PRKCQ: variants seen among roughly 807,000 people sequenced by gnomAD.
PRKCQ encodes protein kinase C theta type.
Under a neutral mutation model 91.2 loss-of-function variants are expected in PRKCQ, and 41 were observed. The observed-to-expected ratio is 0.45, with a 90% CI of 0.35 to 0.58. The LOEUF (loss-of-function observed/expected upper bound fraction) is 0.58. Among genes scored for constraint, PRKCQ ranks in the 20% least tolerant of loss-of-function variants. The probability of loss-of-function intolerance (pLI) is 0.00; values close to 1 mark genes in which losing one functional copy is unlikely to be tolerated. For missense variants in PRKCQ, 673 were observed against 896.5 expected (o/e 0.75, Z 3.18); for synonymous variants, 307 against 316.9 (o/e 0.97, Z 0.33).
At chr10:6,520,870 G>T (rs763276006) in intron 1 of PRKCQ, among the ~76,000 whole-genome samples, 2 of 152,114 alleles carry the variant, frequency 1.3e-5, no homozygotes, top group Non-Finnish European at 2.9e-5. Context: ...CTTGATTCTT[G>T]AGATGCTACA....
intron 16 of PRKCQ, among the ~76,000 whole-genome samples, chr10:6,440,399 G>A (rs1427261551): frequency 1.3e-5 from 2 of 152,226 alleles, no homozygotes; most frequent in Non-Finnish European, 2.9e-5. Context: ...GCAAGGATAA[G>A]TATTTCTGCA....
chr10:6,402,371 C>CA, the PRKCQ span, among the ~76,000 whole-genome samples: 16,506 of 66,428 alleles, frequency 0.25, 2,205 homozygotes, highest in African/African-American at 0.4. Context: ...ATTTCAATGC[C>CA]AAAAAAAAAA....
intron 15 of PRKCQ, among the ~76,000 whole-genome samples, chr10:6,454,869 G>A (rs987766444): frequency 4.6e-5 from 7 of 152,266 alleles, no homozygotes; most frequent in Middle Eastern, 3.4e-3. Context: ...ACAAGCACAC[G>A]TAAAAGAAAA....
At chr10:6,532,097 C>T (rs551131669) in intron 1 of PRKCQ, among the ~76,000 whole-genome samples, 2 of 152,042 alleles carry the variant, frequency 1.3e-5, no homozygotes, top group African/African-American at 2.4e-5. Flanking sequence ...TTACATATGC[C>T]GAAGGATTGT....
intron 1 of PRKCQ, among the ~76,000 whole-genome samples, chr10:6,517,588 CTTTTTTTTTTTTTTTTTT>C (rs56306878): frequency 2.8e-4 from 14 of 49,492 alleles, no homozygotes; most frequent in African/African-American, 5.5e-4. Flanking sequence ...AAGATAGCAT[CTTTTTTTTTTTTTTTTTT>C]TTTTTTTTTT....
At chr10:6,484,117 G>C (rs551526610) in intron 10 of PRKCQ, among the ~76,000 whole-genome samples, 1 of 152,330 alleles carries the variant, frequency 6.6e-6, no homozygotes, top group African/African-American at 2.4e-5. Context: ...TTCAAGTCAA[G>C]ATGCTGCCTA....
At chr10:6,528,521 T>A (rs1034612568) in intron 1 of PRKCQ, among the ~76,000 whole-genome samples, 4 of 152,160 alleles carry the variant, frequency 2.6e-5, no homozygotes, top group African/African-American at 9.7e-5. Flanking sequence ...GCCATCTCCA[T>A]CGATCTGGCC....
chr10:6,433,269 T>A (rs1006634351), intron 16 of PRKCQ, among the ~76,000 whole-genome samples: 1 of 152,234 alleles, frequency 6.6e-6, no homozygotes, highest in Non-Finnish European at 1.5e-5. Context: ...TCCTGATGGA[T>A]AATCTCTCAT....
At chr10:6,398,313 G>GTGTAA in the PRKCQ span, among the ~76,000 whole-genome samples, 1 of 152,174 alleles carries the variant, frequency 6.6e-6, no homozygotes, top group African/African-American at 2.4e-5. Context: ...AAATTAAGAA[G>GTGTAA]TGTAAGTCTT....
intron 1 of PRKCQ, among the ~76,000 whole-genome samples, chr10:6,562,769 T>C (rs1442702219): frequency 6.6e-6 from 1 of 152,194 alleles, no homozygotes; most frequent in African/African-American, 2.4e-5. Flanking sequence ...TCTGTGGCTT[T>C]AAACAAGCTA....
At chr10:6,448,217 C>G (rs138421176) in intron 15 of PRKCQ, among the ~76,000 whole-genome samples, 39 of 152,190 alleles carry the variant, frequency 2.6e-4, no homozygotes, top group African/African-American at 8.4e-4. Flanking sequence ...AGCCATGGTC[C>G]CTGATGGGGA....
At chr10:6,449,718 G>C (rs967500465) in intron 15 of PRKCQ, among the ~76,000 whole-genome samples, 3 of 152,184 alleles carry the variant, frequency 2.0e-5, no homozygotes, top group African/African-American at 7.2e-5. Flanking sequence ...AAGCCCGTCA[G>C]ACTAACAGCT....
intron 1 of PRKCQ, among the ~76,000 whole-genome samples, chr10:6,547,324 T>A (rs1369306622): frequency 1.3e-5 from 2 of 151,728 alleles, no homozygotes; most frequent in Admixed American, 6.6e-5. Context: ...AATTTATAGA[T>A]TCAATGCCAT....
rs1833222107 is a variant in PRKCQ, at chr10:6,428,238, A to C, written c.2090T>G (p.Met697Arg). The C allele has an allele frequency of 6.8e-6, 11 of 1,614,184 alleles. No individual in the cohort carries two copies. The highest frequency in any genetic ancestry group is 9.3e-6 in the Non-Finnish European group (11 of 1,180,028). The change falls in exon 18 of 18, where the codon ATG (methionine) becomes AGG (arginine). Residue 697 changes from methionine (M) to arginine (R), a missense_variant. Transcript: ENST00000263125. The stretch of plus-strand genomic sequence containing the variant: ...TATCAGCCGCTCCATCCCGGGGTTC[A>C]TGAAGGAAAAGTTCCTGAACATATT... The part of the protein sequence containing the change: ...DQNMFRNFSF[M>R]NPGMERLIS
the PRKCQ span, among the ~76,000 whole-genome samples, chr10:6,404,955 T>TTTCCTTCCTTCC: frequency 2.3e-4 from 4 of 17,308 alleles, no homozygotes; most frequent in Admixed American, 5.1e-4. Flanking sequence ...TCCTTCCTTC[T>TTTCCTTCCTTCC]ATCCTTCCTT....
intron 7 of PRKCQ, 90 bp downstream of exon 7, chr10:6,496,945 T>C: frequency 8.5e-7 from 1 of 1,175,414 alleles, no homozygotes; most frequent in Non-Finnish European, 1.3e-6. Flanking sequence ...AGGATGCAAG[T>C]TCTGGCATTA....
At chr10:6,400,156 G>A in the PRKCQ span, among the ~76,000 whole-genome samples, 1 of 152,142 alleles carries the variant, frequency 6.6e-6, no homozygotes, top group African/African-American at 2.4e-5. Context: ...CTGCTGACTT[G>A]GTGTTCTCTA....
At chr10:6,495,069 C>T (rs746047350) in intron 7 of PRKCQ, among the ~76,000 whole-genome samples, 1 of 152,158 alleles carries the variant, frequency 6.6e-6, no homozygotes, top group African/African-American at 2.4e-5. Flanking sequence ...TCATTTCTAA[C>T]ATCAAAATCA....
intron 15 of PRKCQ, among the ~76,000 whole-genome samples, chr10:6,451,327 A>G (rs1476947872): frequency 6.6e-6 from 1 of 152,112 alleles, no homozygotes; most frequent in East Asian, 1.9e-4. Context: ...GAAAATCTAG[A>G]AGAAACGGAT....
Sources: allele counts gnomAD v4.1 joint callset (sites outside exome capture counted in the v4.1 genomes callset), GRCh38; gene constraint gnomAD v4.1.1; transcripts MANE v1.5; gene names NCBI Gene and HGNC (gene_info 2026-07-23, HGNC 2026-07-21).